SPAG16: variants seen among roughly 807,000 people sequenced by gnomAD.
The protein encoded by SPAG16 is sperm-associated antigen 16 protein.
A neutral mutation model predicts 80.4 loss-of-function variants in SPAG16; 86 were observed. The observed-to-expected ratio is 1.07, with a 90% CI of 0.90 to 1.28. The LOEUF is 1.28. Ranked by LOEUF, SPAG16 falls within the 50% of genes most tolerant of loss-of-function variation. The probability of loss-of-function intolerance (pLI) is 0.00; values close to 1 mark genes in which losing one functional copy is unlikely to be tolerated. For missense variants in SPAG16, 870 were observed against 765.3 expected, an observed-to-expected ratio of 1.14 and a Z score of -1.61; for synonymous variants, 294 against 265.9, an observed-to-expected ratio of 1.11 and a Z score of -1.03.
chr2:213,407,596 GGAGA>G (rs66674310), intron 9 of SPAG16, among the ~76,000 whole-genome samples: 5,381 of 101,894 alleles, frequency 0.053, 290 homozygotes, highest in African/African-American at 0.14. Context: ...GAGAGAGACA[GGAGA>G]GAGAGAGAGA....
intron 10 of SPAG16, among the ~76,000 whole-genome samples, chr2:213,727,911 T>A (rs1363442301): frequency 1.3e-5 from 2 of 152,086 alleles, no homozygotes; most frequent in African/African-American, 4.8e-5. Flanking sequence ...TGCAATGGCG[T>A]GATCTCAGCT....
intron 9 of SPAG16, among the ~76,000 whole-genome samples, chr2:213,382,254 G>C (rs770529799): frequency 6.6e-5 from 10 of 152,266 alleles, no homozygotes; most frequent in Non-Finnish European, 1.2e-4. Context: ...GCTTTTACAT[G>C]TCCAGACTCA....
intron 13 of SPAG16, among the ~76,000 whole-genome samples, chr2:214,069,322 C>T (rs1004098323): frequency 6.6e-6 from 1 of 152,142 alleles, no homozygotes; most frequent in African/African-American, 2.4e-5. Flanking sequence ...ATAAACATCA[C>T]AGAGTTTAGG....
At chr2:213,959,596 A>C (rs2044311619) in intron 12 of SPAG16, among the ~76,000 whole-genome samples, 1 of 152,076 alleles carries the variant, frequency 6.6e-6, no homozygotes, top group Non-Finnish European at 1.5e-5. Flanking sequence ...TTCACAGGAA[A>C]CCCTAAGGAA....
At chr2:213,741,210 G>T (rs548884678) in intron 10 of SPAG16, among the ~76,000 whole-genome samples, 5 of 152,004 alleles carry the variant, frequency 3.3e-5, no homozygotes, top group Non-Finnish European at 7.4e-5. Flanking sequence ...CTAGTTAAGC[G>T]CATGTCTACA....
At chr2:214,194,784 G>T (rs1173502364) in intron 15 of SPAG16, among the ~76,000 whole-genome samples, 2 of 151,940 alleles carry the variant, frequency 1.3e-5, no homozygotes, top group Non-Finnish European at 2.9e-5. Context: ...GATTTTTCCT[G>T]ATAACTCAGA....
rs959882349 is a variant in SPAG16, at chr2:214,129,624, A to C, written c.1594-19516A>C. Among the ~76,000 whole-genome samples the C allele has an allele frequency of 2.0e-5, 3 of 152,272 alleles. No homozygotes were observed. The South Asian group carries it at 6.2e-4, about 32-fold the overall frequency. ...CCTCCTATACAAAATAAAAGTTGGC[A>C]GTATGTTTGAAGAAGACCTTAATTA... On this transcript the variant is annotated intron_variant, in intron 14 of 15. Coordinates refer to ENST00000331683, the MANE Select transcript of SPAG16 (RefSeq NM_024532.5).
intron 14 of SPAG16, among the ~76,000 whole-genome samples, chr2:214,123,636 C>T (rs2054329084): frequency 6.6e-6 from 1 of 151,900 alleles, no homozygotes; most frequent in Admixed American, 6.6e-5. Flanking sequence ...AGTGAATAAT[C>T]TCAGGAATAT....
At chr2:213,913,696 C>T (rs2077811289) in intron 11 of SPAG16, among the ~76,000 whole-genome samples, 1 of 149,808 alleles carries the variant, frequency 6.7e-6, no homozygotes, top group Admixed American at 6.6e-5. Context: ...CATACACATA[C>T]ATGTGTGTAT....
intron 10 of SPAG16, among the ~76,000 whole-genome samples, chr2:213,604,511 T>G (rs2061185468): frequency 2.6e-5 from 4 of 152,142 alleles, no homozygotes; most frequent in Admixed American, 2.6e-4. Context: ...CCTTCTTACT[T>G]TCATCTAATT....
chr2:213,441,222 A>G (rs1320387830), intron 9 of SPAG16, among the ~76,000 whole-genome samples: 1 of 152,218 alleles, frequency 6.6e-6, no homozygotes, highest in African/African-American at 2.4e-5. Flanking sequence ...AAGCAACTTT[A>G]TTTGAAATAG....
At chr2:213,623,289 AC>A (rs2061849702) in intron 10 of SPAG16, among the ~76,000 whole-genome samples, 2 of 151,992 alleles carry the variant, frequency 1.3e-5, no homozygotes, top group Non-Finnish European at 2.9e-5. Context: ...TGTGTAGGAA[AC>A]TTTTTTTCAC....
chr2:213,884,482 G>T (rs1436784785), intron 11 of SPAG16, among the ~76,000 whole-genome samples: 1 of 152,084 alleles, frequency 6.6e-6, no homozygotes, highest in East Asian at 1.9e-4. Flanking sequence ...CTTAGTGATG[G>T]TTGTCTTGTG....
chr2:214,065,981 A>G (rs927047704), intron 13 of SPAG16, among the ~76,000 whole-genome samples: 1 of 152,144 alleles, frequency 6.6e-6, no homozygotes, highest in Non-Finnish European at 1.5e-5. Context: ...ATTCTCTACC[A>G]CTTTACTAGT....
intron 9 of SPAG16, among the ~76,000 whole-genome samples, chr2:213,390,260 T>C (rs760425650): frequency 1.1e-4 from 16 of 152,116 alleles, no homozygotes; most frequent in Non-Finnish European, 2.1e-4. Context: ...GTTTAATGAG[T>C]ATAGAGTTTC....
chr2:213,929,621 A>G (rs981579913), intron 11 of SPAG16, among the ~76,000 whole-genome samples: 2 of 111,034 alleles, frequency 1.8e-5, no homozygotes, highest in Admixed American at 9.6e-5. Flanking sequence ...TATTGTTCTG[A>G]AGCCCGATCA....
At chr2:213,925,956 G>A (rs1271861388) in intron 11 of SPAG16, among the ~76,000 whole-genome samples, 1 of 151,524 alleles carries the variant, frequency 6.6e-6, no homozygotes, top group African/African-American at 2.4e-5. Flanking sequence ...ATGCATCTAA[G>A]TAAAAATTTC....
intron 9 of SPAG16, among the ~76,000 whole-genome samples, chr2:213,447,557 C>G (rs1459567524): frequency 1.3e-5 from 2 of 152,196 alleles, no homozygotes; most frequent in African/African-American, 2.4e-5. Context: ...TGCCCCCTAC[C>G]TCTTCAGCAT....
At chr2:213,607,264 A>G (rs2061294638) in intron 10 of SPAG16, among the ~76,000 whole-genome samples, 1 of 152,228 alleles carries the variant, frequency 6.6e-6, no homozygotes, top group Non-Finnish European at 1.5e-5. Flanking sequence ...ATACTGTAGT[A>G]AAATATTTCT....
Sources: allele counts gnomAD v4.1 joint callset (sites outside exome capture counted in the v4.1 genomes callset), GRCh38; gene constraint gnomAD v4.1.1; transcripts MANE v1.5; gene names NCBI Gene and HGNC (gene_info 2026-07-23, HGNC 2026-07-21).